The following SMIM14 variants were observed in gnomAD, a reference collection of about 807,000 sequenced individuals.
SMIM14 encodes small integral membrane protein 14.
Under a neutral mutation model 12.6 loss-of-function variants are expected in SMIM14, and 5 were observed. The ratio of observed to expected loss-of-function variants is 0.40; its 90% CI spans 0.21 to 0.83. The LOEUF is 0.83. Among genes scored for constraint, SMIM14 ranks in the 40% least tolerant of loss-of-function variants. The probability of loss-of-function intolerance (pLI) is 0.37; values close to 1 mark genes in which losing one functional copy is unlikely to be tolerated. For missense variants in SMIM14, 86 were observed against 119.1 expected (o/e 0.72, Z 1.29); for synonymous variants, 30 against 40.1 (o/e 0.75, Z 0.95).
At chr4:39,615,157 ACTCCTGGGCTC>A (rs1715174588) in intron 1 of SMIM14, among the ~76,000 whole-genome samples, 1 of 151,854 alleles carries the variant, frequency 6.6e-6, no homozygotes, top group Non-Finnish European at 1.5e-5. Context: ...CTGATCTTGA[ACTCCTGGGCTC>A]AAGTGATCCT....
chr4:39,603,731 C>A (rs1190978949), intron 2 of SMIM14, among the ~76,000 whole-genome samples: 1 of 152,042 alleles, frequency 6.6e-6, no homozygotes, highest in African/African-American at 2.4e-5. Flanking sequence ...TTTACATAGG[C>A]CAGGCGCAGT....
intron 3 of SMIM14, among the ~76,000 whole-genome samples, chr4:39,570,004 T>G (rs761111967): frequency 1.3e-5 from 2 of 152,160 alleles, no homozygotes; most frequent in Non-Finnish European, 2.9e-5. Context: ...TTTCCTATGT[T>G]CTGCCCTTTT....
At chr4:39,599,394 G>T (rs1714509795) in intron 2 of SMIM14, among the ~76,000 whole-genome samples, 1 of 152,006 alleles carries the variant, frequency 6.6e-6, no homozygotes, top group Non-Finnish European at 1.5e-5. Flanking sequence ...AAACATTACT[G>T]ACTTAACTAA....
chr4:39,600,582 C>T (rs1356690310), intron 2 of SMIM14, among the ~76,000 whole-genome samples: 3 of 152,082 alleles, frequency 2.0e-5, no homozygotes, highest in African/African-American at 7.2e-5. Context: ...CCCAGCTACT[C>T]AGGAGGCTGA....
intron 2 of SMIM14, among the ~76,000 whole-genome samples, chr4:39,583,183 G>A (rs1713608018): frequency 6.6e-6 from 1 of 151,998 alleles, no homozygotes; most frequent in Non-Finnish European, 1.5e-5. Context: ...CGACCTCCCA[G>A]GCTTAAGCAA....
At chr4:39,578,184 G>A (rs1036651496) in intron 2 of SMIM14, among the ~76,000 whole-genome samples, 7 of 152,098 alleles carry the variant, frequency 4.6e-5, no homozygotes, top group Admixed American at 2.0e-4. Context: ...GGTCTTCTCT[G>A]GTGCCCAGGC....
At chr4:39,585,308 T>C (rs915478753) in intron 2 of SMIM14, among the ~76,000 whole-genome samples, 14 of 151,860 alleles carry the variant, frequency 9.2e-5, no homozygotes, top group Non-Finnish European at 1.8e-4. Context: ...ATTATTATTA[T>C]TATTAGAGAC....
chr4:39,567,608 G>A (rs1332234957), intron 3 of SMIM14, among the ~76,000 whole-genome samples: 8 of 151,850 alleles, frequency 5.3e-5, no homozygotes, highest in Admixed American at 3.3e-4. Context: ...GTGGTGGCAG[G>A]CGCCTATAAT....
intron 2 of SMIM14, among the ~76,000 whole-genome samples, chr4:39,573,637 G>A (rs1713013986): frequency 6.6e-6 from 1 of 152,050 alleles, no homozygotes; most frequent in Admixed American, 6.6e-5. Flanking sequence ...AAACTGTAGA[G>A]AACTAGAAGA....
At chr4:39,588,842 A>G (rs1368849267) in intron 2 of SMIM14, among the ~76,000 whole-genome samples, 2 of 151,946 alleles carry the variant, frequency 1.3e-5, no homozygotes. Context: ...TTTTAAAAAG[A>G]AAAACAAATA....
intron 1 of SMIM14, among the ~76,000 whole-genome samples, chr4:39,628,302 A>G (rs2109254413): frequency 6.7e-6 from 1 of 149,634 alleles, no homozygotes; most frequent in African/African-American, 2.4e-5. Context: ...GTGAGACTCC[A>G]TCACAAAAAA....
chr4:39,602,466 G>A (rs146113091), intron 2 of SMIM14, among the ~76,000 whole-genome samples: 226 of 152,116 alleles, frequency 1.5e-3, no homozygotes, highest in African/African-American at 5.3e-3. Flanking sequence ...GTGGTGGCAG[G>A]CGCCTGTAAT....
In SMIM14 at chr4:39,577,008, G is replaced by A. The variant is rs1025049809; in HGVS notation, c.76-4545C>T. Among the ~76,000 whole-genome samples the A allele has an allele frequency of 2.6e-5, 4 of 151,590 alleles. No homozygotes were observed. In the East Asian group the frequency reaches 7.7e-4, roughly 29 times the overall value. On this transcript the variant is annotated intron_variant, in intron 2 of 4. Coordinates refer to ENST00000295958, the MANE Select transcript of SMIM14 (RefSeq NM_174921.3). ...TTACAGTCATGAGCCACCACACCTG[G>A]CTGGAATACCTATATATTTTTAACA...
intron 1 of SMIM14, among the ~76,000 whole-genome samples, chr4:39,622,603 G>A (rs1442185838): frequency 3.3e-5 from 5 of 152,110 alleles, no homozygotes; most frequent in African/African-American, 4.8e-5. Flanking sequence ...GTTTCAGCAT[G>A]TTGGCCAGGC....
chr4:39,594,674 C>G (rs1437541550), intron 2 of SMIM14: 16 of 147,234 alleles, frequency 1.1e-4, no homozygotes, highest in Admixed American at 3.4e-4. Context: ...GGCTAATATC[C>G]AGAATCTACA....
At chr4:39,635,990 T>G (rs1051210411) in intron 1 of SMIM14, among the ~76,000 whole-genome samples, 29 of 151,816 alleles carry the variant, frequency 1.9e-4, no homozygotes, top group African/African-American at 7.0e-4. Context: ...CTGGCCAACA[T>G]GGTGAAACCC....
At chr4:39,579,426 GAAAAAAAAGAA>G (rs1713379144) in intron 2 of SMIM14, among the ~76,000 whole-genome samples, 1 of 136,992 alleles carries the variant, frequency 7.3e-6, no homozygotes, top group Non-Finnish European at 1.6e-5. Flanking sequence ...AAAAAAAAAA[GAAAAAAAAGAA>G]AAGAAAAAGG....
At chr4:39,580,135 CAGTG>C (rs1239904790) in intron 2 of SMIM14, among the ~76,000 whole-genome samples, 2 of 152,032 alleles carry the variant, frequency 1.3e-5, no homozygotes, top group Non-Finnish European at 1.5e-5. Context: ...AACTGACAAA[CAGTG>C]AGGTACAAAA....
rs1711748422 is a variant in SMIM14, at chr4:39,552,094, T to C, written c.*32A>G. On this transcript the variant is annotated 3_prime_UTR_variant, in exon 5 of 5. Transcript: ENST00000295958. ...TCTTCGTTCGTTTGGTCGTGCAAGG[T>C]GTTAACTATTTTCACTTCCCATATC... 2 of 1,578,356 alleles carry C rather than the reference T, an allele frequency of 1.3e-6. No individual in the cohort carries two copies. The highest frequency in any genetic ancestry group is 2.3e-5 in the East Asian group (1 of 43,822).
Sources: gnomAD v4.1 joint callset for allele counts (sites outside exome capture counted in the v4.1 genomes callset) on GRCh38, gnomAD v4.1.1 for gene constraint, MANE v1.5 for transcripts, NCBI Gene and HGNC (gene_info 2026-07-23, HGNC 2026-07-21) for gene names.